NUP62CL: variants seen among roughly 807,000 people sequenced by gnomAD.
NUP62CL encodes the protein nucleoporin 62 C-terminal like, also known as nucleoporin-62 C-terminal-like protein.
Under a neutral mutation model 15.3 loss-of-function variants are expected in NUP62CL, and 13 were observed. The ratio of observed to expected loss-of-function variants is 0.85; its 90% CI spans 0.55 to 1.35. The LOEUF (loss-of-function observed/expected upper bound fraction) is 1.35. NUP62CL is among the 40% of genes most tolerant of loss of function. The pLI is 0.00. For synonymous variants in NUP62CL, 54 were observed against 49.2 expected (o/e 1.10, Z -0.41); for missense variants, 123 against 130.6 (o/e 0.94, Z 0.28).
chrX:107,197,304 A>C (rs1462690420), intron 1 of NUP62CL, among the ~76,000 whole-genome samples: 1 of 111,809 alleles, frequency 8.9e-6, no homozygotes, highest in Non-Finnish European at 1.9e-5. Flanking sequence ...GTCTGAAATT[A>C]TTCAGTATTC....
intron 8 of NUP62CL, 150 bp from the exon 9 acceptor site, chrX:107,124,482 C>T (rs936830572): frequency 3.8e-5 from 11 of 289,166 alleles, no homozygotes; most frequent in Admixed American, 2.6e-4. Context: ...GAAAAAAACA[C>T]TCATCTATCT....
chrX:107,154,416 A>T (rs111673812), intron 4 of NUP62CL, among the ~76,000 whole-genome samples, 170 bp from the exon 5 acceptor site: 12 of 111,197 alleles, frequency 1.1e-4, no homozygotes, highest in Non-Finnish European at 2.1e-4. Flanking sequence ...TAAAAAAAAC[A>T]ACCCCTCAAA....
intron 7 of NUP62CL, chrX:107,150,831 T>G (rs1925991563): frequency 3.0e-6 from 1 of 338,192 alleles, no homozygotes; most frequent in Non-Finnish European, 6.0e-6. Context: ...CTTGGTTGCC[T>G]AAGTACACAA....
At position 107,124,133 on chromosome X, in the gene NUP62CL, C is replaced by T. The variant is rs1332099029; in HGVS notation, c.*242G>A. The T allele has an allele frequency of 3.7e-6, 1 of 271,854 alleles. No homozygotes were observed. The highest frequency in any genetic ancestry group is 7.0e-6 in the Non-Finnish European group (1 of 143,153). 22.4% of individuals were successfully genotyped at this position (271,854 alleles called of 1,213,427 possible). On this transcript the variant is annotated 3_prime_UTR_variant, in exon 9 of 9. Transcript: ENST00000372466. ...ATACTTAAATGAAAAAAAGGATGCA[C>T]AATTCATTATGATCAAGATGAAATA...
intron 8 of NUP62CL, among the ~76,000 whole-genome samples, chrX:107,125,945 T>C (rs1030978680): frequency 6.2e-5 from 7 of 112,137 alleles, no homozygotes; most frequent in African/African-American, 2.3e-4. Context: ...TTTAAATTTT[T>C]TAGGACTTTC....
intron 4 of NUP62CL, 84 bp downstream of exon 4, chrX:107,167,565 A>G (rs1926545940): frequency 2.9e-6 from 2 of 691,846 alleles, no homozygotes; most frequent in Admixed American, 3.6e-5. Context: ...ACTTTCAAAT[A>G]TTATTCTAAA....
rs749245789 is a variant in NUP62CL, at chrX:107,204,003, A to AT, written c.-92+2269dup. 4.0e-4 allele frequency among the ~76,000 whole-genome samples: 44 copies of AT among 110,642 alleles called. No homozygotes were observed. In the East Asian group the frequency reaches 8.0e-3, roughly 20 times the overall value. On this transcript the variant is annotated intron_variant, in intron 1 of 8. Transcript: ENST00000372466. ...TATTTTAGATCTCTCAGGTTTCATT[A>AT]TTTTTTTTCCCTTTAAAAAAACCTT...
In NUP62CL at chrX:107,167,772, G is replaced by A. The variant is rs763774979; in HGVS notation, c.71C>T (p.Thr24Met). ...AAIGLSFTTS[T>M]TTTATFTTNT... is the part of the protein sequence containing the mutation. ...GGTGGTGAAAGTGGCGGTGGTAGTC[G>A]TTGAAGTTGTAACTGGAAAATAAAG... The change falls in exon 4 of 9, where the codon ACG becomes ATG. Residue 24 changes from threonine to methionine, a missense_variant. Transcript: ENST00000372466. 6.7e-6 allele frequency: 8 copies of A among 1,190,048 alleles called. No homozygotes were observed. Among genetic ancestry groups the A allele is most frequent in the Admixed American group, 4.4e-5 (2 of 45,249 alleles).
At chrX:107,140,526 C>CAT (rs1488988889) in intron 8 of NUP62CL, among the ~76,000 whole-genome samples, 7 of 111,104 alleles carry the variant, frequency 6.3e-5, no homozygotes. Flanking sequence ...TCAAAATGCC[C>CAT]ATATATATTA....
In NUP62CL at chrX:107,200,618, C is replaced by CA. The variant is rs1178515736; in HGVS notation, c.-92+5654dup. ...TGGGCAACAGAGCGAGATTCCGTCT[C>CA]AAAAAAAAAAAAAAGAGAGAGAGAG... On this transcript the variant is annotated intron_variant, in intron 1 of 8. Coordinates refer to ENST00000372466, the MANE Select transcript of NUP62CL (RefSeq NM_017681.3). Among the ~76,000 whole-genome samples, 750 of 68,188 alleles carry CA rather than the reference C, an allele frequency of 0.011. 15 individuals carry two copies. In the East Asian group the frequency reaches 0.13, roughly 12 times the overall value. The allele number at this position is 68,188 out of a possible 115,157, so 59.2% of individuals were successfully genotyped here. A position where few individuals can be genotyped will look rare whatever the true frequency, so the allele number is the denominator to read the frequency against.
intron 3 of NUP62CL, among the ~76,000 whole-genome samples, chrX:107,168,081 C>G (rs1926557918): frequency 9.0e-6 from 1 of 111,426 alleles, no homozygotes; most frequent in Admixed American, 9.5e-5. Context: ...AAAGGAAACT[C>G]CAGTCCCAGA....
intron 7 of NUP62CL, among the ~76,000 whole-genome samples, chrX:107,152,057 TATATATATATATATATATTCAG>T (rs1926030747): frequency 2.9e-5 from 2 of 69,345 alleles, no homozygotes; most frequent in South Asian, 7.1e-4. Flanking sequence ...CAGATATATA[TATATATATATATATATATTCAG>T]ATATATATAT....
chrX:107,161,235 G>T (rs1926360483), intron 4 of NUP62CL, among the ~76,000 whole-genome samples: 1 of 97,965 alleles, frequency 1.0e-5, no homozygotes, highest in Non-Finnish European at 2.1e-5. Context: ...GATTCCTCAG[G>T]GATCTAGAAC....
At chrX:107,165,095 C>T (rs1005671420) in intron 4 of NUP62CL, among the ~76,000 whole-genome samples, 2 of 109,229 alleles carry the variant, frequency 1.8e-5, no homozygotes, top group Non-Finnish European at 3.8e-5. Context: ...AGCGAGACTC[C>T]GTCTCAAACA....
At chrX:107,187,131 A>G (rs767997074) in intron 2 of NUP62CL, among the ~76,000 whole-genome samples, 2 of 111,850 alleles carry the variant, frequency 1.8e-5, no homozygotes, top group Middle Eastern at 4.6e-3. Flanking sequence ...AGAGAAATTT[A>G]AAAATACACC....
chrX:107,132,575 G>A (rs1925544634), intron 8 of NUP62CL, among the ~76,000 whole-genome samples: 1 of 111,160 alleles, frequency 9.0e-6, no homozygotes, highest in Non-Finnish European at 1.9e-5. Context: ...TCTGGGTAAC[G>A]TGGGGAGGCC....
chrX:107,146,874 G>A (rs1358671905), intron 8 of NUP62CL, among the ~76,000 whole-genome samples: 2 of 111,220 alleles, frequency 1.8e-5, no homozygotes, highest in African/African-American at 6.5e-5. Context: ...TGAGGCATGA[G>A]ATTAGACAGT....
At chrX:107,159,911 C>T (rs1337238926) in intron 4 of NUP62CL, among the ~76,000 whole-genome samples, 2 of 106,814 alleles carry the variant, frequency 1.9e-5, no homozygotes, top group Non-Finnish European at 3.9e-5. Context: ...TCTCCTTAAG[C>T]TAATAAGCAA....
intron 4 of NUP62CL, among the ~76,000 whole-genome samples, chrX:107,163,865 A>G (rs1021485603): frequency 6.3e-5 from 7 of 111,777 alleles, no homozygotes; most frequent in Non-Finnish European, 9.4e-5. Flanking sequence ...ATGAAATAAA[A>G]ACTGATAGAG....
Sources: gnomAD v4.1 joint callset for allele counts (sites outside exome capture counted in the v4.1 genomes callset) on GRCh38, gnomAD v4.1.1 for gene constraint, MANE v1.5 for transcripts, NCBI Gene and HGNC (gene_info 2026-07-23, HGNC 2026-07-21) for gene names.